The following TDRD12 variants were observed in gnomAD, a reference collection of about 807,000 sequenced individuals.
The protein encoded by TDRD12 is putative ATP-dependent RNA helicase TDRD12.
TDRD12 carries 158 observed loss-of-function variants against 133.5 expected under a neutral mutation model. The ratio of observed to expected loss-of-function variants is 1.18; its 90% CI spans 1.04 to 1.35. The LOEUF (loss-of-function observed/expected upper bound fraction) is 1.35. Ranked by LOEUF, TDRD12 falls within the 40% of genes most tolerant of loss-of-function variation. The pLI, the probability that TDRD12 is intolerant of heterozygous loss-of-function variation, is 0.00. For missense variants in TDRD12, 1,443 were observed against 1,321.3 expected, an observed-to-expected ratio of 1.09 and a Z score of -1.43; for synonymous variants, 460 against 477.9, an observed-to-expected ratio of 0.96 and a Z score of 0.49.
intron 11 of TDRD12, among the ~76,000 whole-genome samples, 177 bp downstream of exon 11, chr19:32,777,406 G>A (rs542126806): frequency 1.3e-5 from 2 of 152,078 alleles, no homozygotes; most frequent in South Asian, 4.2e-4. Flanking sequence ...ATCCACTTGG[G>A]CACATTTTTC....
chr19:32,802,736 A>T lies in TDRD12; in HGVS notation c.2278A>T (p.Lys760Ter). Residue 760 changes from lysine (K) to a stop codon, truncating the protein, a stop_gained, in exon 20 of 28, where the codon AAA becomes TAA. Coordinates refer to ENST00000444215, the Ensembl canonical transcript of TDRD12. LOFTEE classifies it high-confidence loss of function. ...TCACTTCAGTTTCCCTGCCTCACCAAAAGTTTTTGGTGGACGCCTGTATTG... is the reference window on the plus strand; with the variant it reads ...TCACTTCAGTTTCCCTGCCTCACCATAAGTTTTTGGTGGACGCCTGTATTG... 1 of 1,536,524 alleles carries T rather than the reference A, an allele frequency of 6.5e-7. No homozygotes were observed. The highest frequency in any genetic ancestry group is 1.2e-5 in the South Asian group (1 of 84,052).
At chr19:32,822,842 G>A (rs898025572), downstream of TDRD12, among the ~76,000 whole-genome samples, 8 of 152,220 alleles carry the variant, frequency 5.3e-5, no homozygotes, top group Middle Eastern at 3.4e-3. Context: ...ACCATTTGCC[G>A]TCACTGGAAT....
At chr19:32,756,127 G>A (rs1431302520) in exon 7 of TDRD12, 3 of 1,464,310 alleles carry the variant, frequency 2.0e-6, no homozygotes, top group African/African-American at 1.5e-5. Context: ...ACTCAATCCA[G>A]CACTTACACT....
intron 11 of TDRD12, among the ~76,000 whole-genome samples, chr19:32,781,891 C>G (rs556679754): frequency 1.3e-5 from 2 of 152,176 alleles, no homozygotes; most frequent in Admixed American, 6.5e-5. Context: ...TGCGTGTTCT[C>G]TGTCTTCTTT....
chr19:32,821,539 A>T (rs1967397276), downstream of TDRD12, among the ~76,000 whole-genome samples: 1 of 152,134 alleles, frequency 6.6e-6, no homozygotes. Flanking sequence ...AAGCATATAG[A>T]ATACATTCTT....
At chr19:32,795,921 A>G (rs1017424193) in intron 14 of TDRD12, among the ~76,000 whole-genome samples, 7 of 152,166 alleles carry the variant, frequency 4.6e-5, no homozygotes, top group African/African-American at 1.4e-4. Flanking sequence ...GGACAGTGCT[A>G]ACCCATTCAT....
exon 13 of TDRD12, chr19:32,791,065 G>A (rs1971056711): frequency 6.5e-7 from 1 of 1,529,998 alleles, no homozygotes; most frequent in African/African-American, 1.4e-5. Context: ...CAGACCTGAA[G>A]AAGGTAAAAG....
intron 8 of TDRD12, among the ~76,000 whole-genome samples, chr19:32,764,254 G>A (rs1488411571): frequency 6.6e-6 from 1 of 151,856 alleles, no homozygotes; most frequent in Non-Finnish European, 1.5e-5. Context: ...GGGACTACAG[G>A]CGCCTGCCAC....
intron 11 of TDRD12, among the ~76,000 whole-genome samples, chr19:32,785,788 C>A (rs570714228): frequency 6.6e-6 from 1 of 151,812 alleles, no homozygotes; most frequent in Admixed American, 6.6e-5. Context: ...CTTAGTAGAT[C>A]TTCCTCCATC....
At chr19:32,720,153 C>A in intron 1 of TDRD12, 57 bp downstream of exon 1, 1 of 1,487,872 alleles carries the variant, frequency 6.7e-7, no homozygotes, top group Non-Finnish European at 9.0e-7. Flanking sequence ...ACCCCCACCC[C>A]AGCCGCGCAC....
At chr19:32,728,379 T>A (rs183141165) in intron 1 of TDRD12, among the ~76,000 whole-genome samples, 1 of 152,216 alleles carries the variant, frequency 6.6e-6, no homozygotes, top group Admixed American at 6.5e-5. Flanking sequence ...TATTAAATCT[T>A]CCAGTCAATG....
At chr19:32,771,826 T>TA (rs778259181) in intron 8 of TDRD12, among the ~76,000 whole-genome samples, 2 of 152,242 alleles carry the variant, frequency 1.3e-5, no homozygotes, top group Non-Finnish European at 2.9e-5. Context: ...AAAGAAGGGT[T>TA]AGGGCATTTT....
intron 1 of TDRD12, among the ~76,000 whole-genome samples, chr19:32,730,529 T>C (rs1969018080): frequency 6.6e-6 from 1 of 152,206 alleles, no homozygotes. Flanking sequence ...ACTATTCTAT[T>C]GTCACTGGAA....
At chr19:32,751,750 G>A (rs895035854) in intron 6 of TDRD12, among the ~76,000 whole-genome samples, 5 of 152,138 alleles carry the variant, frequency 3.3e-5, no homozygotes, top group South Asian at 4.1e-4. Flanking sequence ...CATGAGTTGC[G>A]ATCTCATTAT....
chr19:32,719,940 C>T, exon 1 of TDRD12: 1 of 1,155,396 alleles, frequency 8.7e-7, no homozygotes, highest in South Asian at 1.4e-5. Flanking sequence ...CGCGGGGGGC[C>T]CAGGCGCTAA....
At chr19:32,749,499 A>G (rs1969757969) in intron 5 of TDRD12, among the ~76,000 whole-genome samples, 1 of 152,098 alleles carries the variant, frequency 6.6e-6, no homozygotes. Flanking sequence ...TTTGCAGGGT[A>G]GAATGGACCT....
exon 20 of TDRD12, chr19:32,802,724 C>T (rs1436257817): frequency 6.5e-7 from 1 of 1,536,482 alleles, no homozygotes; most frequent in Non-Finnish European, 8.7e-7. Context: ...CTTCAGTTTC[C>T]CTGCCTCACC....
chr19:32,735,351 C>T (rs1221256263), intron 2 of TDRD12, among the ~76,000 whole-genome samples: 1 of 152,130 alleles, frequency 6.6e-6, no homozygotes, highest in African/African-American at 2.4e-5. Flanking sequence ...AGGCTTAGAA[C>T]CAGTTACTAC....
At chr19:32,821,364 A>C, downstream of TDRD12, 19 of 525,970 alleles carry the variant, frequency 3.6e-5, no homozygotes, top group East Asian at 6.2e-5. Flanking sequence ...TGAACAGCTC[A>C]GCAGAGTGTG....
Sources: gnomAD v4.1 joint callset for allele counts (sites outside exome capture counted in the v4.1 genomes callset) on GRCh38, gnomAD v4.1.1 for gene constraint, MANE v1.5 for transcripts, NCBI Gene and HGNC (gene_info 2026-07-23, HGNC 2026-07-21) for gene names.